Variants in NECAB1 observed in about 807,000 individuals in gnomAD.
NECAB1 encodes the protein N-terminal EF-hand calcium-binding protein 1.
In NECAB1, 29 loss-of-function variants were observed where a neutral mutation model predicts 57.5. The observed-to-expected ratio is 0.50, with a 90% CI of 0.38 to 0.69. The LOEUF is 0.69. Among genes scored for constraint, NECAB1 ranks in the 30% least tolerant of loss-of-function variants. The pLI is 0.00. For synonymous variants in NECAB1, 142 were observed against 147.7 expected, an observed-to-expected ratio of 0.96 and a Z score of 0.28; for missense variants, 372 against 413.8, an observed-to-expected ratio of 0.90 and a Z score of 0.88.
chr8:90,902,019 A>G (rs557996462), intron 5 of NECAB1, among the ~76,000 whole-genome samples: 1 of 152,302 alleles, frequency 6.6e-6, no homozygotes, highest in South Asian at 2.1e-4. Context: ...TATATTTACA[A>G]AGGAATATTC....
At chr8:90,924,274 G>T (rs915274391) in intron 6 of NECAB1, among the ~76,000 whole-genome samples, 1 of 152,156 alleles carries the variant, frequency 6.6e-6, no homozygotes, top group Non-Finnish European at 1.5e-5. Flanking sequence ...TTCATGCAAT[G>T]TTTCAAGAAT....
intron 10 of NECAB1, among the ~76,000 whole-genome samples, chr8:90,948,065 T>G (rs1036330901): frequency 6.6e-6 from 1 of 152,222 alleles, no homozygotes; most frequent in Non-Finnish European, 1.5e-5. Flanking sequence ...TATTTTAAAC[T>G]TTATCCTTAA....
At chr8:90,910,843 T>C (rs1809813416) in intron 5 of NECAB1, among the ~76,000 whole-genome samples, 1 of 151,978 alleles carries the variant, frequency 6.6e-6, no homozygotes, top group Admixed American at 6.6e-5. Context: ...TGGAGTTCTC[T>C]TGCTCTCAGG....
At chr8:90,808,720 A>C (rs940688023) in intron 2 of NECAB1, among the ~76,000 whole-genome samples, 5 of 130,672 alleles carry the variant, frequency 3.8e-5, no homozygotes, top group African/African-American at 1.5e-4. Flanking sequence ...ACCTCGGCTC[A>C]CTGCAACCTC....
chr8:90,919,372 G>A (rs1033286939), intron 6 of NECAB1, among the ~76,000 whole-genome samples: 1 of 152,154 alleles, frequency 6.6e-6, no homozygotes, highest in African/African-American at 2.4e-5. Flanking sequence ...TACCCTGCAG[G>A]ACCAATTTTC....
intron 3 of NECAB1, among the ~76,000 whole-genome samples, chr8:90,866,149 C>A (rs1808508831): frequency 6.6e-6 from 1 of 152,162 alleles, no homozygotes; most frequent in Non-Finnish European, 1.5e-5. Flanking sequence ...GTGCCAGAAC[C>A]AGCTCAACAC....
chr8:90,922,877 C>T (rs1343724823), intron 6 of NECAB1, among the ~76,000 whole-genome samples: 1 of 152,072 alleles, frequency 6.6e-6, no homozygotes, highest in Non-Finnish European at 1.5e-5. Flanking sequence ...ATTTCTTTTG[C>T]TCTCTCTCTA....
At chr8:90,815,079 T>A (rs1162660135) in intron 2 of NECAB1, among the ~76,000 whole-genome samples, 1 of 152,082 alleles carries the variant, frequency 6.6e-6, no homozygotes, top group Non-Finnish European at 1.5e-5. Flanking sequence ...CTTGTCCATA[T>A]CCTCTTACTC....
At chr8:90,952,792 ATAAAAT>A (rs201750535) in intron 12 of NECAB1, among the ~76,000 whole-genome samples, 15,089 of 121,112 alleles carry the variant, frequency 0.12, 2,089 homozygotes, top group African/African-American at 0.39. Flanking sequence ...AACAATAATA[ATAAAAT>A]TAAAATAAAA....
chr8:90,900,381 T>C (rs143151464), intron 5 of NECAB1, among the ~76,000 whole-genome samples: 1 of 152,182 alleles, frequency 6.6e-6, no homozygotes, highest in Non-Finnish European at 1.5e-5. Context: ...TCTTTTCTTC[T>C]TCAACTCTAG....
chr8:90,906,874 CACATATATATAT>C (rs902560008), intron 5 of NECAB1, among the ~76,000 whole-genome samples: 2 of 42,654 alleles, frequency 4.7e-5, no homozygotes, highest in African/African-American at 4.3e-4. Flanking sequence ...ATATGATATA[CACATATATATAT>C]ATATATATAT....
At chr8:90,940,274 C>T (rs1037956075) in intron 9 of NECAB1, 1 of 153,190 alleles carries the variant, frequency 6.5e-6, no homozygotes, top group African/African-American at 2.4e-5. Flanking sequence ...GCATGAGTTA[C>T]TAATTTTTTT....
At chr8:90,925,741 A>G (rs1810250223) in intron 7 of NECAB1, 85 bp downstream of exon 7, 2 of 1,526,718 alleles carry the variant, frequency 1.3e-6, no homozygotes, top group African/African-American at 2.7e-5. Context: ...ACAACAGATA[A>G]GACAATAGTA....
chr8:90,935,351 C>T (rs562802048), intron 9 of NECAB1, among the ~76,000 whole-genome samples: 1 of 152,218 alleles, frequency 6.6e-6, no homozygotes, highest in East Asian at 1.9e-4. Flanking sequence ...CTGTTAGAAT[C>T]CTATAGTTAT....
intron 10 of NECAB1, among the ~76,000 whole-genome samples, chr8:90,944,079 G>A (rs969571855): frequency 3.3e-5 from 5 of 152,062 alleles, no homozygotes; most frequent in African/African-American, 7.2e-5. Flanking sequence ...TAATCAAGAG[G>A]CACATATTAC....
At chr8:90,955,273 T>G (rs986645849) in intron 12 of NECAB1, among the ~76,000 whole-genome samples, 1 of 150,670 alleles carries the variant, frequency 6.6e-6, no homozygotes, top group Non-Finnish European at 1.5e-5. Flanking sequence ...AATTTTAGAC[T>G]GCAACAAAGT....
intron 5 of NECAB1, among the ~76,000 whole-genome samples, chr8:90,911,799 C>G (rs1586116523): frequency 6.6e-6 from 1 of 152,128 alleles, no homozygotes; most frequent in East Asian, 1.9e-4. Flanking sequence ...AGCCAATGAT[C>G]TGTCCATTAC....
chr8:90,890,107 T>C (rs1809122581), intron 5 of NECAB1, among the ~76,000 whole-genome samples: 1 of 152,222 alleles, frequency 6.6e-6, no homozygotes, highest in Admixed American at 6.5e-5. Flanking sequence ...ATTAGTTGAA[T>C]GCTTCTAATG....
chr8:90,940,686 T>G (rs1198597615), intron 9 of NECAB1, 100 bp from the exon 10 acceptor site: 1 of 814,386 alleles, frequency 1.2e-6, no homozygotes, highest in Non-Finnish European at 2.0e-6. Context: ...TGGATGACAA[T>G]CATCTGTTTT....
Sources: allele counts gnomAD v4.1 joint callset (sites outside exome capture counted in the v4.1 genomes callset), GRCh38; gene constraint gnomAD v4.1.1; transcripts MANE v1.5; gene names NCBI Gene and HGNC (gene_info 2026-07-23, HGNC 2026-07-21).